The following WWOX variants were observed in gnomAD, a reference collection of about 807,000 sequenced individuals.
WWOX encodes WW domain-containing oxidoreductase.
In WWOX, 69 loss-of-function variants were observed where a neutral mutation model predicts 46.2. The observed-to-expected ratio is 1.49, with a 90% CI of 1.23 to 1.82. The LOEUF is 1.82. WWOX is among the 40% of genes most tolerant of loss of function. The probability of loss-of-function intolerance (pLI) is 0.00; values close to 1 mark genes in which losing one functional copy is unlikely to be tolerated. For missense variants in WWOX, 919 were observed against 542.6 expected, an observed-to-expected ratio of 1.69 and a Z score of -6.89; for synonymous variants, 359 against 202.6, an observed-to-expected ratio of 1.77 and a Z score of -6.56.
intron 8 of WWOX, among the ~76,000 whole-genome samples, chr16:78,990,013 A>G (rs1022595961): frequency 2.0e-5 from 3 of 151,806 alleles, no homozygotes; most frequent in African/African-American, 7.3e-5. Flanking sequence ...CAAAGCCCTC[A>G]TCTCTACAAA....
At chr16:79,095,568 A>G (rs762637046) in intron 8 of WWOX, among the ~76,000 whole-genome samples, 2 of 152,290 alleles carry the variant, frequency 1.3e-5, no homozygotes, top group East Asian at 3.9e-4. Context: ...CATTGCATAA[A>G]TAATAAAACA....
At chr16:78,141,784 TA>T (rs2033997476) in intron 4 of WWOX, among the ~76,000 whole-genome samples, 1 of 152,114 alleles carries the variant, frequency 6.6e-6, no homozygotes, top group Admixed American at 6.5e-5. Flanking sequence ...TATCAGTGTG[TA>T]ATTAATAAAG....
At position 79,141,314 on chromosome 16, in the gene WWOX, A is replaced by C. The variant is rs186631728; in HGVS notation, c.1057-70294A>C. On this transcript the variant is annotated intron_variant, in intron 8 of 8. Transcript: ENST00000566780. ...GTGTTCATCTTGCATATGTTGATTGATGTCTCATGTCTCCCTAGAATGTGT... is the reference window on the plus strand; with the variant it reads ...GTGTTCATCTTGCATATGTTGATTGCTGTCTCATGTCTCCCTAGAATGTGT... Among the ~76,000 whole-genome samples the C allele has an allele frequency of 8.9e-4, 136 of 152,240 alleles. 1 individual carries two copies. Among genetic ancestry groups the C allele is most frequent in the African/African-American group, 3.3e-3 (135 of 41,530 alleles).
intron 8 of WWOX, among the ~76,000 whole-genome samples, chr16:78,904,635 A>G (rs941107844): frequency 6.6e-6 from 1 of 151,990 alleles, no homozygotes; most frequent in African/African-American, 2.4e-5. Context: ...GATTACAGTG[A>G]CCACATAATT....
intron 8 of WWOX, among the ~76,000 whole-genome samples, chr16:78,863,029 G>A (rs1017923731): frequency 1.3e-5 from 2 of 150,308 alleles, no homozygotes; most frequent in Non-Finnish European, 2.9e-5. Flanking sequence ...TGCAACCTTG[G>A]CTCACCACAA....
In WWOX at chr16:79,171,106, C is replaced by T. The variant is rs186380777; in HGVS notation, c.1057-40502C>T. Among the ~76,000 whole-genome samples, 22 of 152,244 alleles carry T rather than the reference C, an allele frequency of 1.4e-4. No homozygotes were observed. The East Asian group carries it at 3.3e-3, about 23-fold the overall frequency. ...TTATTTGCTGACCCAGTGCTAGGCA[C>T]GTGAGAGTGAGAGGGATGGAATGCT... On this transcript the variant is annotated intron_variant, in intron 8 of 8. Coordinates refer to ENST00000566780, the MANE Select transcript of WWOX (RefSeq NM_016373.4).
intron 8 of WWOX, among the ~76,000 whole-genome samples, chr16:78,801,204 A>G (rs2050876720): frequency 6.6e-6 from 1 of 152,016 alleles, no homozygotes; most frequent in South Asian, 2.1e-4. Flanking sequence ...AAAACAAACA[A>G]ACAAACACCA....
At chr16:78,576,377 G>T (rs1410055590) in intron 8 of WWOX, among the ~76,000 whole-genome samples, 2 of 152,140 alleles carry the variant, frequency 1.3e-5, no homozygotes, top group Admixed American at 6.6e-5. Flanking sequence ...ACATAGCTTG[G>T]TTTAGCATAG....
intron 8 of WWOX, among the ~76,000 whole-genome samples, chr16:78,975,616 A>G (rs929809463): frequency 2.0e-5 from 3 of 152,150 alleles, no homozygotes; most frequent in African/African-American, 7.2e-5. Context: ...GAAAGGGTGA[A>G]CAGTGTTTAT....
rs115018770 is a variant in WWOX, at chr16:79,113,080, C to G, written c.1057-98528C>G. ...CACAGTCATGGTACCAGAACTCGGT[C>G]TGGTGGAACAGAGAGATTAAGCAAT... On this transcript the variant is annotated intron_variant, in intron 8 of 8. Transcript: ENST00000566780. Among the ~76,000 whole-genome samples the G allele has an allele frequency of 2.1e-3, 322 of 152,278 alleles. 2 individuals are homozygous for G. The highest frequency in any genetic ancestry group is 7.3e-3 in the African/African-American group (303 of 41,530).
intron 8 of WWOX, among the ~76,000 whole-genome samples, chr16:78,937,564 C>T (rs1184340540): frequency 2.1e-5 from 3 of 144,314 alleles, no homozygotes; most frequent in Admixed American, 7.1e-5. Context: ...CAAAGTGCTG[C>T]GATTACAGGC....
intron 8 of WWOX, among the ~76,000 whole-genome samples, chr16:78,876,713 A>G (rs542991239): frequency 1.3e-5 from 2 of 152,296 alleles, no homozygotes; most frequent in East Asian, 3.9e-4. Flanking sequence ...CCCTCAGGTT[A>G]TTTATAACTG....
intron 8 of WWOX, among the ~76,000 whole-genome samples, chr16:79,054,342 C>A (rs2150534444): frequency 6.6e-6 from 1 of 152,294 alleles, no homozygotes; most frequent in South Asian, 2.1e-4. Flanking sequence ...ATCTTTCTTA[C>A]TTGATATTTC....
intron 8 of WWOX, among the ~76,000 whole-genome samples, chr16:78,743,799 A>T (rs181829410): frequency 6.6e-6 from 1 of 152,126 alleles, no homozygotes; most frequent in Non-Finnish European, 1.5e-5. Flanking sequence ...TCCACAACCA[A>T]TCTGACTGAT....
At chr16:78,768,910 C>T (rs935964890) in intron 8 of WWOX, among the ~76,000 whole-genome samples, 3 of 152,110 alleles carry the variant, frequency 2.0e-5, no homozygotes, top group East Asian at 1.9e-4. Flanking sequence ...GCTGACGCTG[C>T]GCCATGGTGT....
intron 5 of WWOX, among the ~76,000 whole-genome samples, chr16:78,191,402 A>G (rs1360717228): frequency 1.3e-5 from 2 of 152,222 alleles, no homozygotes; most frequent in Non-Finnish European, 2.9e-5. Context: ...TAAATCTGCC[A>G]ATAGAAAATA....
In WWOX at chr16:78,899,266, T is replaced by G. The variant is rs929816740; in HGVS notation, c.1057-312342T>G. 2.0e-5 allele frequency: 3 copies of G among 152,190 alleles called. No individual in the cohort carries two copies. The South Asian group carries it at 6.2e-4, about 31-fold the overall frequency. 9.4% of individuals were successfully genotyped at this position (152,190 alleles called of 1,614,324 possible). On this transcript the variant is annotated intron_variant, in intron 8 of 8. Coordinates refer to ENST00000566780, the MANE Select transcript of WWOX (RefSeq NM_016373.4). ...ATTTCTAGTTTGCTGAGAGTTCTTT[T>G]ATAAATGTGTTCATATATATATGTT...
intron 8 of WWOX, among the ~76,000 whole-genome samples, chr16:79,174,037 G>A (rs552874736): frequency 6.6e-6 from 1 of 152,154 alleles, no homozygotes; most frequent in Non-Finnish European, 1.5e-5. Context: ...TTCAAGATAC[G>A]CAATTGTAAG....
chr16:78,771,632 C>T (rs1378975257), intron 8 of WWOX, among the ~76,000 whole-genome samples: 1 of 151,950 alleles, frequency 6.6e-6, no homozygotes, highest in African/African-American at 2.4e-5. Flanking sequence ...ATTGGGCGGG[C>T]ATTGTGGTGG....
Sources: gnomAD v4.1 joint callset for allele counts (sites outside exome capture counted in the v4.1 genomes callset) on GRCh38, gnomAD v4.1.1 for gene constraint, MANE v1.5 for transcripts, NCBI Gene and HGNC (gene_info 2026-07-23, HGNC 2026-07-21) for gene names.